Variants in FMO4 observed in about 807,000 individuals in gnomAD.
FMO4 encodes dimethylaniline monooxygenase [N-oxide-forming] 4.
In FMO4, 38 loss-of-function variants were observed where a neutral mutation model predicts 43.3. The observed-to-expected ratio is 0.88, with a 90% confidence interval of 0.68 to 1.15. The LOEUF (loss-of-function observed/expected upper bound fraction) is 1.15, where lower values mean the gene tolerates loss of function less well. FMO4 is among the 50% of genes most tolerant of loss of function. The pLI is 0.00. For synonymous variants in FMO4, 224 were observed against 232.2 expected (o/e 0.96, Z 0.32); for missense variants, 631 against 663.3 (o/e 0.95, Z 0.54).
intron 3 of FMO4, among the ~76,000 whole-genome samples, chr1:171,320,917 G>A (rs1036833151): frequency 6.6e-5 from 10 of 152,162 alleles, no homozygotes; most frequent in Non-Finnish European, 1.2e-4. Flanking sequence ...TTCAACAGGC[G>A]TGAGAGAGAA....
chr1:171,341,917 C>A lies in FMO4; in HGVS notation c.*78C>A. On this transcript the variant is annotated 3_prime_UTR_variant, in exon 10 of 10. Coordinates refer to ENST00000367749, the MANE Select transcript of FMO4 (RefSeq NM_002022.3). ...TCTTGTGCATCCCTCCTCTGCTCTC[C>A]ATCATAACTGCTATTAGCCAAATTC... 1 of 1,174,616 alleles carries A rather than the reference C, an allele frequency of 8.5e-7. No homozygotes were observed. The allele number at this position is 1,174,616 out of a possible 1,614,324, so 72.8% of individuals were successfully genotyped here.
At position 171,330,708 on chromosome 1, in the gene FMO4, C is replaced by G. The variant is rs769676465; in HGVS notation, c.485-932C>G. ...CTCCCACTGGGTCCCTCCCATGACACGTGAGAATTAGAGGAGCTACAATTC... is the reference window on the plus strand; with the variant it reads ...CTCCCACTGGGTCCCTCCCATGACAGGTGAGAATTAGAGGAGCTACAATTC... On this transcript the variant is annotated intron_variant, in intron 5 of 9. Coordinates refer to ENST00000367749, the MANE Select transcript of FMO4 (RefSeq NM_002022.3). Among the ~76,000 whole-genome samples, 4 of 152,226 alleles carry G rather than the reference C, an allele frequency of 2.6e-5. No homozygotes were observed. In the South Asian group the frequency reaches 6.2e-4, roughly 24 times the overall value.
rs751595529 is a variant in FMO4, at chr1:171,319,897, G to C, written c.72G>C (p.Glu24Asp). The change falls in exon 3 of 10, where the codon GAG becomes GAC. Residue 24 changes from glutamate to aspartate, a missense_variant. Transcript: ENST00000367749. ...CCTCCATCAAATGCTGTGTGGATGA[G>C]GACCTGGAGCCCACCTGCTTTGAGA... ...GLSSIKCCVD[E>D]DLEPTCFERS... 3 of 1,613,892 alleles carry C rather than the reference G, an allele frequency of 1.9e-6. 1 individual carries two copies. The South Asian group carries it at 3.3e-5, about 18-fold the overall frequency.
Position 171,321,801 on chromosome 1 carries a change from C to T in FMO4, c.133-1203C>T, listed in dbSNP as rs568699791. Among the ~76,000 whole-genome samples the T allele has an allele frequency of 1.2e-3, 184 of 152,162 alleles. 1 individual carries two copies. Among genetic ancestry groups the T allele is most frequent in the African/African-American group, 4.4e-3 (181 of 41,510 alleles). On this transcript the variant is annotated intron_variant, in intron 3 of 9. Coordinates refer to ENST00000367749, the MANE Select transcript of FMO4 (RefSeq NM_002022.3). ...CAGGGGCTCTGCCCTCCTTGTAGTC[C>T]GGTGGGAAACAGAAACAGTAAATAG...
At chr1:171,332,193 T>A (rs1662928381) in intron 6 of FMO4, among the ~76,000 whole-genome samples, 1 of 152,220 alleles carries the variant, frequency 6.6e-6, no homozygotes, top group African/African-American at 2.4e-5. Context: ...CTAAGTTCTC[T>A]ACTAAAGGTG....
intron 8 of FMO4, 115 bp from the exon 9 acceptor site, chr1:171,337,241 G>T: frequency 1.3e-6 from 1 of 754,602 alleles, no homozygotes; most frequent in South Asian, 1.5e-5. Context: ...TCTGAGCTTT[G>T]ACTATCATGT....
chr1:171,334,367 C>T lies in FMO4; in HGVS notation c.828-44C>T, dbSNP rs565974820. 42 of 1,247,054 alleles carry T rather than the reference C, an allele frequency of 3.4e-5. No homozygotes were observed. The Admixed American group carries it at 8.5e-4, about 25-fold the overall frequency. The allele number at this position is 1,247,054 out of a possible 1,614,324, so 77.2% of individuals were successfully genotyped here. ...AAGTAAATCATTTGCTGAAGTTTCT[C>T]ATAAAAATAACTACAGTGAATAATT... On this transcript the variant is annotated intron_variant, in intron 7 of 9. Coordinates refer to ENST00000367749, the MANE Select transcript of FMO4 (RefSeq NM_002022.3).
chr1:171,331,756 G>T lies in FMO4; in HGVS notation c.601G>T (p.Val201Leu), dbSNP rs758743495. 1.2e-6 allele frequency: 2 copies of T among 1,613,894 alleles called. No individual in the cohort carries two copies. The highest frequency in any genetic ancestry group is 1.7e-6 in the Non-Finnish European group (2 of 1,179,852). Residue 201 changes from valine (V) to leucine (L), a missense_variant, in exon 6 of 10, where the codon GTG becomes TTG. Val to Leu is a conservative substitution (Grantham distance 32). Coordinates refer to ENST00000367749, the MANE Select transcript of FMO4 (RefSeq NM_002022.3). Reference protein sequence around the residue: ...GLGNTGGDIAVELSRTAAQVL... With the variant: ...GLGNTGGDIALELSRTAAQVL... The stretch of plus-strand genomic sequence containing the variant: ...TGGGAACACTGGAGGAGACATTGCT[G>T]TGGAACTCAGTCGAACGGCAGCTCA...
chr1:171,336,627 C>T (rs1454362545), intron 8 of FMO4, among the ~76,000 whole-genome samples: 4 of 151,702 alleles, frequency 2.6e-5, no homozygotes, highest in Non-Finnish European at 5.9e-5. Flanking sequence ...TTTTAGAGAC[C>T]AGTCCTCACT....
At position 171,341,383 on chromosome 1, in the gene FMO4, T is replaced by A. The variant is rs750591373; in HGVS notation, c.1251-30T>A. 1.9e-6 allele frequency: 3 copies of A among 1,572,210 alleles called. No individual in the cohort carries two copies. In the Admixed American group the frequency reaches 5.1e-5, roughly 27 times the overall value. Reference sequence around the variant, plus strand: ...AGAAATGCAGGGCAGGTGTGATTAATGAAAGGTCCTCCCTCTTTTTTCCTC... The same window carrying A: ...AGAAATGCAGGGCAGGTGTGATTAAAGAAAGGTCCTCCCTCTTTTTTCCTC... On this transcript the variant is annotated intron_variant, in intron 9 of 9. Transcript: ENST00000367749.
intron 2 of FMO4, among the ~76,000 whole-genome samples, chr1:171,318,766 C>A (rs1662292786): frequency 6.6e-6 from 1 of 152,176 alleles, no homozygotes; most frequent in Non-Finnish European, 1.5e-5. Context: ...ACCATTCCAA[C>A]ATTTATCAGT....
intron 2 of FMO4, among the ~76,000 whole-genome samples, chr1:171,317,599 A>C (rs147677134): frequency 3.3e-5 from 5 of 152,294 alleles, no homozygotes; most frequent in African/African-American, 1.2e-4. Context: ...AAACTGGTAA[A>C]AACTGGTCCT....
rs1248531863 is a variant in FMO4, at chr1:171,323,019, G to A, written c.148G>A (p.Gly50Arg). 2 of 1,612,690 alleles carry A rather than the reference G, an allele frequency of 1.2e-6. No individual in the cohort carries two copies. Among genetic ancestry groups the A allele is most frequent in the African/African-American group, 1.3e-5 (1 of 74,998 alleles). ...TTCACCACAGGAATCTTCCAAAGAT[G>A]GGATGACCAGGGTCTATAAGTCATT... ...LWKFTESSKD[G>R]MTRVYKSLVT... is the part of the protein sequence containing the mutation. Residue 50 changes from glycine (G) to arginine (R), a missense_variant, in exon 4 of 10, where the codon GGG becomes AGG. By Grantham distance (125) the Gly-to-Arg change is moderately radical. Coordinates refer to ENST00000367749, the MANE Select transcript of FMO4 (RefSeq NM_002022.3).
In FMO4 at chr1:171,341,625, C is replaced by A. The variant is rs1156771770; in HGVS notation, c.1463C>A (p.Thr488Asn). 4.3e-6 allele frequency: 7 copies of A among 1,613,948 alleles called. No individual in the cohort carries two copies. The highest frequency in any genetic ancestry group is 5.9e-6 in the Non-Finnish European group (7 of 1,179,928). ...KWDGARNAIL[T>N]QWDRTLKPLK... Reference sequence around the variant, plus strand: ...GATGGAGCCAGAAATGCCATCCTGACCCAGTGGGACAGAACATTGAAACCT... The same window carrying A: ...GATGGAGCCAGAAATGCCATCCTGAACCAGTGGGACAGAACATTGAAACCT... Residue 488 changes from threonine (T) to asparagine (N), a missense_variant, in exon 10 of 10, where the codon ACC becomes AAC. By Grantham distance (65) the Thr-to-Asn change is moderately conservative. Coordinates refer to ENST00000367749, the MANE Select transcript of FMO4 (RefSeq NM_002022.3).
chr1:171,325,100 C>T (rs1024119276), intron 5 of FMO4, among the ~76,000 whole-genome samples: 7 of 152,124 alleles, frequency 4.6e-5, no homozygotes, highest in African/African-American at 1.4e-4. Flanking sequence ...CAGAGTGAGA[C>T]TCTGTCTCAA....
At chr1:171,340,992 CT>C (rs1037727538) in intron 9 of FMO4, among the ~76,000 whole-genome samples, 2 of 151,954 alleles carry the variant, frequency 1.3e-5, no homozygotes, top group African/African-American at 4.8e-5. Flanking sequence ...AATGTGAAGA[CT>C]TTTTTGCTAT....
At position 171,332,722 on chromosome 1, in the gene FMO4, C is replaced by T. The variant is rs145946675; in HGVS notation, c.641C>T (p.Thr214Ile). The T allele has an allele frequency of 3.1e-6, 5 of 1,609,284 alleles. No individual in the cohort carries two copies. Among genetic ancestry groups the T allele is most frequent in the Non-Finnish European group, 4.3e-6 (5 of 1,175,768 alleles). Residue 214 changes from threonine (T) to isoleucine (I), a missense_variant, in exon 7 of 10, where the codon ACT (threonine) becomes ATT (isoleucine). By Grantham distance (89) the Thr-to-Ile change is moderately conservative. Transcript: ENST00000367749. ...TTTACTTTTTAGGTACTTCTCAGTA[C>T]TAGAACTGGTACCTGGGTTCTTGGG... Reference protein sequence around the residue: ...SRTAAQVLLSTRTGTWVLGRS... With the variant: ...SRTAAQVLLSIRTGTWVLGRS...
chr1:171,334,832 C>A, intron 8 of FMO4, 69 bp downstream of exon 8: 2 of 859,974 alleles, frequency 2.3e-6, no homozygotes, highest in South Asian at 1.8e-5. Context: ...TAGCTAAAAT[C>A]AAACAGATGT....
intron 5 of FMO4, among the ~76,000 whole-genome samples, chr1:171,328,422 G>A (rs1310974912): frequency 2.0e-5 from 3 of 151,984 alleles, no homozygotes; most frequent in African/African-American, 4.8e-5. Context: ...AGGCTGACGC[G>A]GGCAGATCAC....
Sources: allele counts gnomAD v4.1 joint callset (sites outside exome capture counted in the v4.1 genomes callset), GRCh38; gene constraint gnomAD v4.1.1; transcripts MANE v1.5; gene names NCBI Gene and HGNC (gene_info 2026-07-23, HGNC 2026-07-21).